RBFOX1: variants seen among roughly 807,000 people sequenced by gnomAD.
The protein encoded by RBFOX1 is RNA binding protein fox-1 homolog 1.
Under a neutral mutation model 57.7 loss-of-function variants are expected in RBFOX1, and 8 were observed. That is an observed-to-expected ratio of 0.14 (90% CI 0.08 to 0.25). RBFOX1 has a LOEUF of 0.25. Among genes scored for constraint, RBFOX1 ranks in the 10% least tolerant of loss-of-function variants. The pLI, the probability that RBFOX1 is intolerant of heterozygous loss-of-function variation, is 1.00. For synonymous variants in RBFOX1, 326 were observed against 222.4 expected, an observed-to-expected ratio of 1.47 and a Z score of -4.15; for missense variants, 611 against 548.5, an observed-to-expected ratio of 1.11 and a Z score of -1.14.
chr16:6,115,427 A>C (rs893285055), intron 1 of RBFOX1, among the ~76,000 whole-genome samples: 1 of 129,926 alleles, frequency 7.7e-6, no homozygotes, highest in African/African-American at 4.0e-5. Context: ...AAGTGAATTG[A>C]AGCCATATGC....
intron 2 of RBFOX1, among the ~76,000 whole-genome samples, chr16:6,490,565 C>A (rs1598103136): frequency 6.6e-6 from 1 of 152,124 alleles, no homozygotes; most frequent in Non-Finnish European, 1.5e-5. Flanking sequence ...CTATTTATTG[C>A]CCTGCAGAAA....
chr16:6,662,170 C>G (rs1367214494), intron 3 of RBFOX1, among the ~76,000 whole-genome samples: 2 of 151,748 alleles, frequency 1.3e-5, no homozygotes, highest in South Asian at 2.1e-4. Context: ...TCAAAGGATA[C>G]AAACCCTCAT....
At chr16:5,657,714 CTT>C (rs1346310763) in intron 3 of RBFOX1, among the ~76,000 whole-genome samples, 1 of 126,624 alleles carries the variant, frequency 7.9e-6, no homozygotes, top group East Asian at 2.2e-4. Context: ...GTCTTTCTCT[CTT>C]TCTTTTGTTT....
chr16:6,284,357 G>C (rs1277906399), intron 1 of RBFOX1, among the ~76,000 whole-genome samples: 1 of 152,136 alleles, frequency 6.6e-6, no homozygotes, highest in Non-Finnish European at 1.5e-5. Flanking sequence ...TCCCAATGAT[G>C]CTTGCTGGTA....
chr16:6,053,001 C>G (rs1400154189), intron 1 of RBFOX1, among the ~76,000 whole-genome samples: 2 of 152,002 alleles, frequency 1.3e-5, no homozygotes, highest in African/African-American at 2.4e-5. Flanking sequence ...TTCTTTACAT[C>G]TCTATTAATA....
chr16:5,807,003 C>A (rs887394153), intron 3 of RBFOX1, among the ~76,000 whole-genome samples: 5 of 152,160 alleles, frequency 3.3e-5, no homozygotes, highest in African/African-American at 1.2e-4. Context: ...GGGGGAGAAG[C>A]TAGAGCTACC....
intron 4 of RBFOX1, chr16:7,304,454 C>T (rs2096122299): frequency 6.1e-6 from 6 of 985,244 alleles, no homozygotes; most frequent in Non-Finnish European, 6.0e-6. Context: ...CCCCAGCTTT[C>T]GTGTGCCTTG....
intron 2 of RBFOX1, among the ~76,000 whole-genome samples, chr16:6,585,080 C>T (rs150270791): frequency 1.3e-5 from 2 of 152,302 alleles, no homozygotes; most frequent in East Asian, 3.9e-4. Context: ...GAGAGCTTGG[C>T]ATCTCTGTGC....
chr16:6,414,026 T>C (rs2093551298), intron 2 of RBFOX1, among the ~76,000 whole-genome samples: 1 of 152,114 alleles, frequency 6.6e-6, no homozygotes, highest in Admixed American at 6.6e-5. Context: ...ATAGGGATCG[T>C]TCCGCGCAAA....
chr16:7,068,051 C>G (rs898689137), intron 4 of RBFOX1, among the ~76,000 whole-genome samples: 3 of 150,164 alleles, frequency 2.0e-5, no homozygotes, highest in Non-Finnish European at 4.4e-5. Flanking sequence ...TCTCGTGCCT[C>G]TTCTTCTGTT....
At chr16:5,435,911 C>A (rs576466722) in intron 1 of RBFOX1, among the ~76,000 whole-genome samples, 1 of 152,288 alleles carries the variant, frequency 6.6e-6, no homozygotes, top group African/African-American at 2.4e-5. Flanking sequence ...GTGAACAACC[C>A]GATTGCTTAA....
At chr16:6,984,429 C>T (rs78568934) in intron 3 of RBFOX1, among the ~76,000 whole-genome samples, 10,634 of 152,018 alleles carry the variant, frequency 0.07, 452 homozygotes, top group South Asian at 0.17. Flanking sequence ...TCCAGTGAGA[C>T]GAACCATCAG....
chr16:6,465,124 A>G (rs1239710499), intron 2 of RBFOX1, among the ~76,000 whole-genome samples: 1 of 152,220 alleles, frequency 6.6e-6, no homozygotes, highest in East Asian at 1.9e-4. Context: ...ACTGCTGATT[A>G]TTATTATTAA....
chr16:7,669,975 TCTC>T (rs2070839166), intron 13 of RBFOX1, among the ~76,000 whole-genome samples: 1 of 152,048 alleles, frequency 6.6e-6, no homozygotes, highest in Non-Finnish European at 1.5e-5. Flanking sequence ...TTACGTCATC[TCTC>T]CTCACCACAG....
intron 3 of RBFOX1, among the ~76,000 whole-genome samples, chr16:6,745,931 GT>G (rs2073498485): frequency 1.3e-5 from 2 of 152,190 alleles, no homozygotes; most frequent in Admixed American, 6.5e-5. Context: ...AATTTATCAA[GT>G]TGCAGGATGC....
chr16:7,637,037 T>A (rs1463354400), intron 11 of RBFOX1, among the ~76,000 whole-genome samples: 1 of 152,194 alleles, frequency 6.6e-6, no homozygotes, highest in African/African-American at 2.4e-5. Flanking sequence ...ATTTAGTCCG[T>A]AGCAAGCCCC....
At chr16:7,329,147 A>G (rs1376291395) in intron 4 of RBFOX1, among the ~76,000 whole-genome samples, 1 of 152,206 alleles carries the variant, frequency 6.6e-6, no homozygotes, top group East Asian at 1.9e-4. Context: ...CAACACCTAA[A>G]ATATTTATTA....
chr16:6,933,886 C>T (rs1294743867), intron 3 of RBFOX1, among the ~76,000 whole-genome samples: 1 of 152,078 alleles, frequency 6.6e-6, no homozygotes, highest in Non-Finnish European at 1.5e-5. Flanking sequence ...TTTGTCAAAA[C>T]AAAGTTATTG....
chr16:5,814,861 G>A lies in RBFOX1; in HGVS notation c.319-52442G>A, dbSNP rs2055568320. On this transcript the variant is annotated intron_variant, in intron 3 of 19. Coordinates refer to the RBFOX1 transcript ENST00000641259. ...GGAGAATGGCGTGAACCTGGGAAGCGGAGCTTGCAGTGAGCCGAGATTGCG... is the reference window on the plus strand; with the variant it reads ...GGAGAATGGCGTGAACCTGGGAAGCAGAGCTTGCAGTGAGCCGAGATTGCG... Among the ~76,000 whole-genome samples, 4 of 152,274 alleles carry A rather than the reference G, an allele frequency of 2.6e-5. No homozygotes were observed. The South Asian group carries it at 6.2e-4, about 24-fold the overall frequency.
Sources: allele counts gnomAD v4.1 joint callset (sites outside exome capture counted in the v4.1 genomes callset), GRCh38; gene constraint gnomAD v4.1.1; transcripts MANE v1.5; gene names NCBI Gene and HGNC (gene_info 2026-07-23, HGNC 2026-07-21).